MAGI2: variants seen among roughly 807,000 people sequenced by gnomAD.
The protein encoded by MAGI2 is membrane associated guanylate kinase, WW and PDZ domain containing 2, also known as membrane-associated guanylate kinase, WW and PDZ domain-containing protein 2.
MAGI2 carries 35 observed loss-of-function variants against 133.3 expected under a neutral mutation model. The observed-to-expected ratio is 0.26, with a 90% CI of 0.20 to 0.35. MAGI2 has a LOEUF of 0.35. Ranked by LOEUF, MAGI2 falls within the 10% of genes least tolerant of loss-of-function variation. The pLI, the probability that MAGI2 is intolerant of heterozygous loss-of-function variation, is 1.00. For missense variants in MAGI2, 1,636 were observed against 1,863.4 expected, an observed-to-expected ratio of 0.88 and a Z score of 2.25; for synonymous variants, 729 against 710.6, an observed-to-expected ratio of 1.03 and a Z score of -0.41.
intron 2 of MAGI2, among the ~76,000 whole-genome samples, chr7:78,791,998 C>T (rs1479433500): frequency 6.6e-6 from 1 of 152,108 alleles, no homozygotes; most frequent in Non-Finnish European, 1.5e-5. Flanking sequence ...GGATGCTATA[C>T]ACTAAATTTT....
At chr7:78,194,812 T>C (rs1828568948) in intron 12 of MAGI2, 62 bp downstream of exon 12, 1 of 1,351,276 alleles carries the variant, frequency 7.4e-7, no homozygotes, top group Non-Finnish European at 1.0e-6. Context: ...AGCCTCAATA[T>C]ATCTCCTGGC....
intron 2 of MAGI2, among the ~76,000 whole-genome samples, chr7:78,869,153 G>A (rs1247402455): frequency 6.6e-6 from 1 of 152,202 alleles, no homozygotes; most frequent in African/African-American, 2.4e-5. Flanking sequence ...TTTGTCAGGT[G>A]CATAGTTAGA....
chr7:78,707,036 TGAAACTATCAAA>T (rs57952890), intron 2 of MAGI2, among the ~76,000 whole-genome samples: 14,264 of 151,984 alleles, frequency 0.094, 927 homozygotes, highest in African/African-American at 0.16. Flanking sequence ...ATCTACATTG[TGAAACTATCAAA>T]GAAACTAACA....
chr7:79,228,642 G>C (rs1053500701), intron 1 of MAGI2, among the ~76,000 whole-genome samples: 6 of 152,022 alleles, frequency 3.9e-5, no homozygotes, highest in African/African-American at 1.2e-4. Flanking sequence ...ACCCAAAGAA[G>C]ACTTGCATAG....
intron 1 of MAGI2, among the ~76,000 whole-genome samples, chr7:79,139,487 A>G (rs1308623722): frequency 2.0e-5 from 3 of 152,180 alleles, no homozygotes; most frequent in African/African-American, 7.2e-5. Flanking sequence ...ACTCAAGCCA[A>G]TGTCTGAAGG....
chr7:79,436,339 A>G (rs1423945857), intron 1 of MAGI2, among the ~76,000 whole-genome samples: 1 of 152,152 alleles, frequency 6.6e-6, no homozygotes. Flanking sequence ...AACAAAAACA[A>G]AAATTGACAA....
intron 2 of MAGI2, among the ~76,000 whole-genome samples, chr7:78,707,737 T>A (rs151027439): frequency 6.6e-6 from 1 of 152,100 alleles, no homozygotes; most frequent in African/African-American, 2.4e-5. Flanking sequence ...TATCTTTTTG[T>A]GTTTATTGCT....
At chr7:78,500,504 G>T (rs944688368) in intron 5 of MAGI2, among the ~76,000 whole-genome samples, 9 of 152,108 alleles carry the variant, frequency 5.9e-5, no homozygotes, top group Admixed American at 2.0e-4. Flanking sequence ...TTTGTGCGAA[G>T]ATTTTCTATT....
chr7:79,438,971 T>A (rs982330547), intron 1 of MAGI2, among the ~76,000 whole-genome samples: 1 of 152,152 alleles, frequency 6.6e-6, no homozygotes, highest in Non-Finnish European at 1.5e-5. Context: ...GTCCATAATT[T>A]TTAGGTTTCT....
chr7:78,204,567 C>T lies in MAGI2; in HGVS notation c.2048-3374G>A, dbSNP rs538872527. On this transcript the variant is annotated intron_variant, in intron 10 of 21. Transcript: ENST00000354212. The stretch of plus-strand genomic sequence containing the variant: ...TTTCTGGTCTTTATTTCCCCTACTT[C>T]TGTAGAAAGCTGTATATTAGAATTC... Among the ~76,000 whole-genome samples, 13 of 152,198 alleles carry T rather than the reference C, an allele frequency of 8.5e-5. No homozygotes were observed. In the South Asian group the frequency reaches 2.7e-3, roughly 32 times the overall value.
chr7:78,789,194 C>T (rs968208705), intron 2 of MAGI2, among the ~76,000 whole-genome samples: 1 of 152,100 alleles, frequency 6.6e-6, no homozygotes, highest in Non-Finnish European at 1.5e-5. Flanking sequence ...TCTCCTCTCC[C>T]TAAGATTTAG....
intron 2 of MAGI2, among the ~76,000 whole-genome samples, chr7:78,788,538 CA>C (rs1260838334): frequency 2.6e-5 from 4 of 150,958 alleles, no homozygotes; most frequent in African/African-American, 9.8e-5. Context: ...TGGATCTCTT[CA>C]TTTTTTTTTA....
intron 3 of MAGI2, among the ~76,000 whole-genome samples, chr7:78,610,386 A>G (rs1806310493): frequency 6.6e-6 from 1 of 152,210 alleles, no homozygotes; most frequent in East Asian, 1.9e-4. Context: ...ACTACATAGT[A>G]TAGTGCTGGT....
rs1244360403 is a variant in MAGI2 at position 78,827,419 on chromosome 7, C to G, written c.418+179671G>C. On this transcript the variant is annotated intron_variant, in intron 2 of 21. Transcript: ENST00000354212. ...TCAGCCTCCTGAATAGCTAGGACTA[C>G]AGGTGCACACCACCATTCCATGTTA... is the stretch of plus-strand genomic sequence containing the variant. Among the ~76,000 whole-genome samples the G allele has an allele frequency of 8.6e-5, 13 of 151,488 alleles. No individual in the cohort carries two copies. The Admixed American group carries it at 8.6e-4, about 10-fold the overall frequency.
At chr7:78,838,719 A>G (rs1791871741) in intron 2 of MAGI2, among the ~76,000 whole-genome samples, 1 of 152,058 alleles carries the variant, frequency 6.6e-6, no homozygotes, top group South Asian at 2.1e-4. Context: ...ATTAATCCAG[A>G]AAGGCTACAA....
intron 2 of MAGI2, among the ~76,000 whole-genome samples, chr7:79,000,849 C>A (rs541184869): frequency 6.6e-6 from 1 of 152,134 alleles, no homozygotes; most frequent in Admixed American, 6.6e-5. Flanking sequence ...TGTAATTCAG[C>A]GTAACTCAGT....
intron 9 of MAGI2, among the ~76,000 whole-genome samples, chr7:78,269,070 A>G (rs798331): frequency 0.31 from 47,344 of 151,974 alleles, 8,900 homozygotes; most frequent in African/African-American, 0.52. Context: ...TTTGCTGAGA[A>G]TGATGTTTTC....
intron 1 of MAGI2, among the ~76,000 whole-genome samples, chr7:79,437,403 G>T (rs1439026132): frequency 6.6e-6 from 1 of 151,818 alleles, no homozygotes; most frequent in Admixed American, 6.6e-5. Flanking sequence ...ATATCTTTAA[G>T]GTGTACAGGA....
intron 1 of MAGI2, among the ~76,000 whole-genome samples, chr7:79,017,957 T>A (rs909827223): frequency 6.6e-6 from 1 of 152,154 alleles, no homozygotes; most frequent in Non-Finnish European, 1.5e-5. Context: ...AGTCTATGAC[T>A]TATTGGCATG....
Sources: gnomAD v4.1 joint callset for allele counts (sites outside exome capture counted in the v4.1 genomes callset) on GRCh38, gnomAD v4.1.1 for gene constraint, MANE v1.5 for transcripts, NCBI Gene and HGNC (gene_info 2026-07-23, HGNC 2026-07-21) for gene names.